The following RHEBL1 variants were observed in gnomAD, a reference collection of about 807,000 sequenced individuals.
RHEBL1 encodes GTPase RhebL1.
RHEBL1 carries 22 observed loss-of-function variants against 27.4 expected under a neutral mutation model. The ratio of observed to expected loss-of-function variants is 0.80; its 90% confidence interval spans 0.57 to 1.15. The LOEUF is 1.15. RHEBL1 is among the 50% of genes most tolerant of loss of function. RHEBL1 has a pLI of 0.00. For synonymous variants in RHEBL1, 85 were observed against 80.8 expected (o/e 1.05, Z -0.28); for missense variants, 186 against 226.5 (o/e 0.82, Z 1.15).
At chr12:49,069,213 A>T (rs1372477525) in intron 1 of RHEBL1, 107 bp from the exon 2 acceptor site, 10 of 1,586,942 alleles carry the variant, frequency 6.3e-6, no homozygotes, top group Non-Finnish European at 8.6e-6. Flanking sequence ...AATTAACACC[A>T]CAGTCTGTGA....
chr12:49,066,433 C>A lies in RHEBL1; in HGVS notation c.332+43G>T, dbSNP rs181745558. ...ATTCTCCCCTCTGCTCTCTCCCACC[C>A]CCTCATGCCCACACTATGTCCCTAT... On this transcript the variant is annotated intron_variant, in intron 5 of 7. Transcript: ENST00000301068. The A allele has an allele frequency of 2.9e-3, 4,581 of 1,595,694 alleles. 14 individuals are homozygous for A. Among genetic ancestry groups the A allele is most frequent in the Non-Finnish European group, 3.0e-3 (3,531 of 1,163,404 alleles).
chr12:49,068,467 A>C (rs1592178057), intron 2 of RHEBL1, among the ~76,000 whole-genome samples: 1 of 102,194 alleles, frequency 9.8e-6, no homozygotes, highest in Admixed American at 1.4e-4. Flanking sequence ...AGACAGTCTC[A>C]CCCTGACACC....
chr12:49,069,893 C>G lies in RHEBL1; in HGVS notation c.-108G>C, dbSNP rs1054710177. ...GCTGGTGCAGGAAAGTCGCTCACCC[C>G]GAAGCTGCCGTGGGCAAGTTAGAAG... On this transcript the variant is annotated 5_prime_UTR_variant, in exon 1 of 8. Transcript: ENST00000301068. The G allele has an allele frequency of 1.6e-5, 15 of 936,366 alleles. No individual in the cohort carries two copies. Among genetic ancestry groups the G allele is most frequent in the East Asian group, 7.7e-5 (3 of 38,922 alleles). 58.0% of individuals were successfully genotyped at this position (936,366 alleles called of 1,614,324 possible).
In RHEBL1 at chr12:49,069,784, ATG is replaced by A. The variant is rs779753338; in HGVS notation, c.-1_1del. ...CACCTTCCTGTAGCGGACTAGCGGC[ATG>A]GCAGGAGCCCGCCCCAGGGGCTTGC... is the stretch of plus-strand genomic sequence containing the variant. On this transcript the variant is annotated start_lost and 5_prime_UTR_variant, in exon 1 of 8. Transcript: ENST00000301068. 1.9e-6 allele frequency: 3 copies of A among 1,613,432 alleles called. No individual in the cohort carries two copies. The highest frequency in any genetic ancestry group is 2.5e-6 in the Non-Finnish European group (3 of 1,179,752).
intron 2 of RHEBL1, 106 bp from the exon 3 acceptor site, chr12:49,067,141 T>C: frequency 2.8e-6 from 2 of 726,334 alleles, no homozygotes; most frequent in East Asian, 2.7e-5. Context: ...CTCACTCTAT[T>C]GTCCAGGCTG....
intron 1 of RHEBL1, 137 bp from the exon 2 acceptor site, chr12:49,069,243 C>G: frequency 6.9e-7 from 1 of 1,451,072 alleles, no homozygotes; most frequent in Non-Finnish European, 9.4e-7. Context: ...GCAATGCTAT[C>G]CTTTGTGTCT....
intron 6 of RHEBL1, 137 bp from the exon 7 acceptor site, chr12:49,065,568 T>G (rs1290075184): frequency 1.5e-6 from 1 of 689,320 alleles, no homozygotes; most frequent in African/African-American, 1.8e-5. Context: ...GCCGAGGTGG[T>G]GGATCACTTG....
Position 49,069,774 on chromosome 12 carries a change from G to C in RHEBL1, c.12C>G (p.Val4=). The C allele has an allele frequency of 6.2e-7, 1 of 1,613,730 alleles. No individual in the cohort carries two copies. The highest frequency in any genetic ancestry group is 2.2e-5 in the East Asian group (1 of 44,836). The part of the protein sequence containing the change: MPL[V]RYRKVVILGY... ...CGAGGATGACCACCTTCCTGTAGCG[G>C]ACTAGCGGCATGGCAGGAGCCCGCC... is the stretch of plus-strand genomic sequence containing the variant. Residue 4 remains valine, a synonymous_variant, in exon 1 of 8, where the codon GTC becomes GTG. Transcript: ENST00000301068.
At chr12:49,065,853 A>T (rs902556371) in intron 6 of RHEBL1, among the ~76,000 whole-genome samples, 2 of 149,844 alleles carry the variant, frequency 1.3e-5, no homozygotes, top group African/African-American at 4.9e-5. Flanking sequence ...TGAACCCGGG[A>T]GGCAGAGGTT....
intron 5 of RHEBL1, 88 bp from the exon 6 acceptor site, chr12:49,066,366 A>G: frequency 6.5e-7 from 1 of 1,548,450 alleles, no homozygotes; most frequent in Non-Finnish European, 8.9e-7. Flanking sequence ...TCCTTATCAG[A>G]CCAGGCAGGA....
chr12:49,065,651 C>T (rs1432201925), intron 6 of RHEBL1, among the ~76,000 whole-genome samples: 3 of 151,930 alleles, frequency 2.0e-5, no homozygotes, highest in Non-Finnish European at 4.4e-5. Flanking sequence ...ATGGGCCACA[C>T]GCGGTTGCTT....
chr12:49,066,312 T>C, intron 5 of RHEBL1, 34 bp from the exon 6 acceptor site: 2 of 1,607,602 alleles, frequency 1.2e-6, no homozygotes, highest in Non-Finnish European at 1.7e-6. Flanking sequence ...CAGAATCCCC[T>C]CATTCCCCGC....
intron 2 of RHEBL1, among the ~76,000 whole-genome samples, chr12:49,067,777 TGAAAA>T (rs1456857259): frequency 6.6e-6 from 1 of 152,076 alleles, no homozygotes; most frequent in East Asian, 1.9e-4. Context: ...GAGACTGTCT[TGAAAA>T]GAAAAGAAAA....
At chr12:49,069,414 G>A (rs1478970996) in intron 1 of RHEBL1, among the ~76,000 whole-genome samples, 2 of 151,784 alleles carry the variant, frequency 1.3e-5, no homozygotes, top group African/African-American at 4.8e-5. Context: ...GGACACCTGC[G>A]ACTATCTGTC....
intron 2 of RHEBL1, among the ~76,000 whole-genome samples, chr12:49,067,894 A>G (rs564567429): frequency 6.6e-6 from 1 of 152,348 alleles, no homozygotes; most frequent in South Asian, 2.1e-4. Flanking sequence ...AAGATCAAAT[A>G]AGTGTATCTG....
intron 2 of RHEBL1, 34 bp downstream of exon 2, chr12:49,069,001 T>C: frequency 6.3e-7 from 1 of 1,592,428 alleles, no homozygotes; most frequent in Non-Finnish European, 8.6e-7. Context: ...CCGGGTCGCA[T>C]ACCACCAGCA....
Position 49,065,133 on chromosome 12 carries a change from A to T in RHEBL1, c.522T>A (p.Tyr174Ter), listed in dbSNP as rs774089360. 1.2e-6 allele frequency: 2 copies of T among 1,614,088 alleles called. No individual in the cohort carries two copies. Among genetic ancestry groups the T allele is most frequent in the Non-Finnish European group, 1.7e-6 (2 of 1,179,900 alleles). Residue 174 changes from tyrosine (Y) to a stop codon, truncating the protein, a stop_gained, in exon 8 of 8, where the codon TAT (tyrosine) becomes TAA (stop). Transcript: ENST00000301068. LOFTEE classifies it high-confidence loss of function. ...TGAGATGGCAGCGACGCTCTTGCCC[A>T]TAGGAATTCTCCACACGGGCAATCT... ...IQEIARVENS[Y>*]GQERRCHLM is the part of the protein sequence containing the mutation.
chr12:49,066,690 G>A lies in RHEBL1; in HGVS notation c.204C>T (p.Ser68=). ...CAATGATGAATGAATAGGGCAGAAT[G>A]CTGTACTCATCCTGGCAAGAAATGG... is the stretch of plus-strand genomic sequence containing the variant. The part of the protein sequence containing the change: ...LVDTAGQDEY[S]ILPYSFIIGV... The change falls in exon 4 of 8, where the codon AGC becomes AGT. Residue 68 remains serine, a synonymous_variant. Transcript: ENST00000301068. 1 of 1,613,906 alleles carries A rather than the reference G, an allele frequency of 6.2e-7. No homozygotes were observed. Among genetic ancestry groups the A allele is most frequent in the Non-Finnish European group, 8.5e-7 (1 of 1,179,760 alleles).
At chr12:49,066,331 A>G in intron 5 of RHEBL1, 53 bp from the exon 6 acceptor site, 3 of 1,583,210 alleles carry the variant, frequency 1.9e-6, no homozygotes. Flanking sequence ...GCATTCCCCA[A>G]CTCCTTACAT....
Sources: allele counts gnomAD v4.1 joint callset (sites outside exome capture counted in the v4.1 genomes callset), GRCh38; gene constraint gnomAD v4.1.1; transcripts MANE v1.5; gene names NCBI Gene and HGNC (gene_info 2026-07-23, HGNC 2026-07-21).